STK33: variants seen among roughly 807,000 people sequenced by gnomAD.
The protein encoded by STK33 is serine/threonine kinase 33, also known as serine/threonine-protein kinase 33.
STK33 carries 52 observed loss-of-function variants against 58.0 expected under a neutral mutation model. The ratio of observed to expected loss-of-function variants is 0.90; its 90% CI spans 0.72 to 1.13. The LOEUF is 1.13. Among genes scored for constraint, STK33 ranks in the 50% most tolerant of loss-of-function variants. The pLI, the probability that STK33 is intolerant of heterozygous loss-of-function variation, is 0.00. For missense variants in STK33, 630 were observed against 604.2 expected (o/e 1.04, Z -0.45); for synonymous variants, 215 against 200.1 (o/e 1.07, Z -0.63).
At position 8,435,589 on chromosome 11, in the gene STK33, A is replaced by T. The variant is rs769173688; in HGVS notation, c.1061-10T>A. On this transcript the variant is annotated splice_polypyrimidine_tract_variant and intron_variant, in intron 13 of 15. Transcript: ENST00000687296. ...TTCAAAACACTTTTAGCTAAAAATAAGAAAAAAATCCTGAAAAATCTTATT... is the reference window on the plus strand; with the variant it reads ...TTCAAAACACTTTTAGCTAAAAATATGAAAAAAATCCTGAAAAATCTTATT... The T allele has an allele frequency of 4.1e-6, 6 of 1,466,722 alleles. No individual in the cohort carries two copies. Among genetic ancestry groups the T allele is most frequent in the Non-Finnish European group, 5.5e-6 (6 of 1,096,870 alleles). 90.9% of individuals were successfully genotyped at this position (1,466,722 alleles called of 1,614,324 possible). A position where few individuals can be genotyped will look rare whatever the true frequency, so the allele number is the denominator to read the frequency against.
chr11:8,363,104 T>C, the STK33 span, among the ~76,000 whole-genome samples: 1 of 150,792 alleles, frequency 6.6e-6, no homozygotes, highest in Non-Finnish European at 1.5e-5. Context: ...TGGGAGAAAG[T>C]GAAGATTAGC....
chr11:8,534,152 G>A (rs1003853143), intron 1 of STK33, among the ~76,000 whole-genome samples: 21 of 152,144 alleles, frequency 1.4e-4, no homozygotes, highest in African/African-American at 4.8e-4. Context: ...GCAGGCGCCT[G>A]TAATCCCAGC....
intron 12 of STK33, 51 bp downstream of exon 12, chr11:8,440,627 T>G: frequency 7.0e-7 from 1 of 1,436,346 alleles, no homozygotes; most frequent in Non-Finnish European, 9.5e-7. Context: ...ATCACTCTAC[T>G]GTTAGAAACT....
intron 1 of STK33, among the ~76,000 whole-genome samples, chr11:8,538,928 G>A (rs1283763421): frequency 1.3e-5 from 2 of 152,130 alleles, no homozygotes; most frequent in East Asian, 1.9e-4. Context: ...ATGAACCACT[G>A]CTATCTGGCC....
the STK33 span, among the ~76,000 whole-genome samples, chr11:8,340,471 C>T: frequency 2.0e-5 from 3 of 152,244 alleles, no homozygotes; most frequent in Non-Finnish European, 4.4e-5. Flanking sequence ...CATTGCATCA[C>T]ACAGCCTTTC....
rs556958278 is a variant in STK33, at chr11:8,500,081, A to G, written c.-465-19467T>C. Among the ~76,000 whole-genome samples, 27 of 152,236 alleles carry G rather than the reference A, an allele frequency of 1.8e-4. No individual in the cohort carries two copies. The South Asian group carries it at 4.6e-3, about 26-fold the overall frequency. On this transcript the variant is annotated intron_variant, in intron 1 of 15. Transcript: ENST00000687296. ...ACTTAAAATATAATTTTAAAAAAAC[A>G]TAAGTAACATCATACTTAACGGTGA... is the stretch of plus-strand genomic sequence containing the variant.
intron 1 of STK33, among the ~76,000 whole-genome samples, chr11:8,499,323 C>T (rs921624924): frequency 4.6e-5 from 7 of 152,150 alleles, no homozygotes; most frequent in Non-Finnish European, 7.4e-5. Context: ...ATGAAAAAAT[C>T]TCATCATCAC....
the STK33 span, among the ~76,000 whole-genome samples, chr11:8,384,778 A>C: frequency 6.6e-6 from 1 of 152,030 alleles, no homozygotes; most frequent in Non-Finnish European, 1.5e-5. Context: ...CACTCTCCTT[A>C]CCCTGCCCCC....
At position 8,393,129 on chromosome 11, in the gene STK33, GC is replaced by G. The variant is rs141571312; in HGVS notation, c.1345-420del. Among the ~76,000 whole-genome samples, 346 of 152,218 alleles carry G rather than the reference GC, an allele frequency of 2.3e-3. 1 individual carries two copies. The highest frequency in any genetic ancestry group is 6.8e-3 in the Middle Eastern group (2 of 294). On this transcript the variant is annotated intron_variant, in intron 15 of 15. Coordinates refer to ENST00000687296, the MANE Select transcript of STK33 (RefSeq NM_001352389.2). ...ATCTGTGTATGAAGTGCTACATAAGGCCCACACTCACATCCCCACTATCTTC... is the reference window on the plus strand; with the variant it reads ...ATCTGTGTATGAAGTGCTACATAAGGCCACACTCACATCCCCACTATCTTC...
At position 8,482,790 on chromosome 11, in the gene STK33, C is replaced by T. The variant is rs187780979; in HGVS notation, c.-465-2176G>A. On this transcript the variant is annotated intron_variant, in intron 1 of 15. Coordinates refer to ENST00000687296, the MANE Select transcript of STK33 (RefSeq NM_001352389.2). ...TGTCACCCAGGCTGGAGTGCAGTGGCGTGATCTCGGCTCACTGCAAGCTCC... is the reference window on the plus strand; with the variant it reads ...TGTCACCCAGGCTGGAGTGCAGTGGTGTGATCTCGGCTCACTGCAAGCTCC... Among the ~76,000 whole-genome samples, 461 of 151,850 alleles carry T rather than the reference C, an allele frequency of 3.0e-3. 3 individuals are homozygous for T. Among genetic ancestry groups the T allele is most frequent in the African/African-American group, 0.011 (445 of 41,420 alleles).
chr11:8,448,356 G>A (rs1241645307), intron 11 of STK33, among the ~76,000 whole-genome samples: 1 of 152,126 alleles, frequency 6.6e-6, no homozygotes, highest in Non-Finnish European at 1.5e-5. Flanking sequence ...CAAAGCTGGA[G>A]GCATCACGCT....
chr11:8,446,578 C>T (rs569219743), intron 11 of STK33, among the ~76,000 whole-genome samples: 1 of 152,260 alleles, frequency 6.6e-6, no homozygotes, highest in South Asian at 2.1e-4. Context: ...TACTACAAGG[C>T]TACAGTAACC....
At chr11:8,403,016 A>G (rs1218243657) in intron 15 of STK33, among the ~76,000 whole-genome samples, 2 of 152,214 alleles carry the variant, frequency 1.3e-5, no homozygotes, top group Non-Finnish European at 2.9e-5. Flanking sequence ...CAGGTCAGGA[A>G]AAGCAAATAG....
chr11:8,473,138 G>T (rs774209131), intron 6 of STK33, 25 bp downstream of exon 6: 3 of 1,473,404 alleles, frequency 2.0e-6, no homozygotes, highest in South Asian at 1.2e-5. Flanking sequence ...AAAGTTCACA[G>T]TAGCTTCATT....
Position 8,452,860 on chromosome 11 carries a change from G to A in STK33, c.833C>T (p.Ala278Val), listed in dbSNP as rs1339476378. The A allele has an allele frequency of 3.1e-6, 5 of 1,613,950 alleles. No individual in the cohort carries two copies. Reference sequence around the variant, plus strand: ...AGTCCCACATGTGGCCTGCAGCATGGCTTCACTCCTACTTTGCTTCTTCAC... The same window carrying A: ...AGTCCCACATGTGGCCTGCAGCATGACTTCACTCCTACTTTGCTTCTTCAC... ...LAVKKQSRSE[A>V]MLQATCGTPI... The change falls in exon 11 of 16, where the codon GCC becomes GTC. Residue 278 changes from alanine to valine, a missense_variant. Ala to Val is a moderately conservative substitution (Grantham distance 64). Coordinates refer to ENST00000687296, the MANE Select transcript of STK33 (RefSeq NM_001352389.2).
intron 8 of STK33, among the ~76,000 whole-genome samples, chr11:8,458,888 T>C (rs1947192592): frequency 6.6e-6 from 1 of 152,222 alleles, no homozygotes; most frequent in Non-Finnish European, 1.5e-5. Context: ...TCAGTAAGTA[T>C]GAAAACAGGA....
chr11:8,364,716 G>A, the STK33 span, among the ~76,000 whole-genome samples: 1 of 152,192 alleles, frequency 6.6e-6, no homozygotes, highest in Non-Finnish European at 1.5e-5. Context: ...GTCTATGTAC[G>A]TAGTTTGTTC....
At chr11:8,394,893 AATAG>A (rs1313498047) in intron 15 of STK33, among the ~76,000 whole-genome samples, 4 of 152,186 alleles carry the variant, frequency 2.6e-5, no homozygotes, top group African/African-American at 9.7e-5. Context: ...TTATTTCTTA[AATAG>A]ATAGTACATC....
At chr11:8,536,830 G>A (rs1436361224) in intron 1 of STK33, among the ~76,000 whole-genome samples, 2 of 150,716 alleles carry the variant, frequency 1.3e-5, no homozygotes, top group African/African-American at 4.9e-5. Context: ...CCAGGCTGGA[G>A]TACAATGGCA....
Sources: gnomAD v4.1 joint callset for allele counts (sites outside exome capture counted in the v4.1 genomes callset) on GRCh38, gnomAD v4.1.1 for gene constraint, MANE v1.5 for transcripts, NCBI Gene and HGNC (gene_info 2026-07-23, HGNC 2026-07-21) for gene names.